CHN1: variants seen among roughly 807,000 people sequenced by gnomAD.
CHN1 encodes the protein N-chimaerin.
Under a neutral mutation model 59.5 loss-of-function variants are expected in CHN1, and 37 were observed. The ratio of observed to expected loss-of-function variants is 0.62; its 90% confidence interval spans 0.48 to 0.82. The LOEUF (loss-of-function observed/expected upper bound fraction) is 0.82, where lower values mean the gene tolerates loss of function less well. Ranked by LOEUF, CHN1 falls within the 40% of genes least tolerant of loss-of-function variation. The probability of loss-of-function intolerance (pLI) is 0.00; values close to 1 mark genes in which losing one functional copy is unlikely to be tolerated. For synonymous variants in CHN1, 206 were observed against 200.4 expected (o/e 1.03, Z -0.24); for missense variants, 469 against 571.0 (o/e 0.82, Z 1.82).
At chr2:174,859,374 G>A (rs2646157) in intron 6 of CHN1, among the ~76,000 whole-genome samples, 64,293 of 151,994 alleles carry the variant, frequency 0.42, 13,919 homozygotes, top group Admixed American at 0.49. Context: ...GGGTGCCCAA[G>A]GGAGGACTCA....
intron 3 of CHN1, among the ~76,000 whole-genome samples, chr2:174,930,593 AAGGAG>A (rs1169312599): frequency 6.6e-6 from 1 of 152,172 alleles, no homozygotes; most frequent in African/African-American, 2.4e-5. Context: ...GAGGTCAACA[AAGGAG>A]TCTGCATAAG....
intron 1 of CHN1, among the ~76,000 whole-genome samples, chr2:174,961,122 A>AGGAAGGAAGGGAGGAAGGGAAGGGAGGG (rs1690385517): frequency 8.0e-6 from 1 of 124,952 alleles, no homozygotes; most frequent in Non-Finnish European, 1.7e-5. Flanking sequence ...TGACGGAGGG[A>AGGAAGGAAGGGAGGAAGGGAAGGGAGGG]AGGAAGGAAG....
chr2:174,937,554 T>C (rs1342105869), intron 3 of CHN1, among the ~76,000 whole-genome samples: 3 of 152,218 alleles, frequency 2.0e-5, no homozygotes, highest in Admixed American at 1.3e-4. Flanking sequence ...TCTCTCAACA[T>C]TTCAGTGGAG....
At chr2:174,941,547 A>T (rs1689663820) in intron 3 of CHN1, among the ~76,000 whole-genome samples, 1 of 152,130 alleles carries the variant, frequency 6.6e-6, no homozygotes, top group African/African-American at 2.4e-5. Context: ...CCTATATTAC[A>T]AACAAAATAA....
chr2:174,992,048 T>C lies in CHN1; in HGVS notation c.19+12846A>G, dbSNP rs188886460. Among the ~76,000 whole-genome samples the C allele has an allele frequency of 8.3e-4, 127 of 152,262 alleles. 1 individual carries two copies. Among genetic ancestry groups the C allele is most frequent in the Admixed American group, 8.1e-3 (124 of 15,284 alleles). ...AAAAAATGATACAGAATTCAGAACA[T>C]GAAGGGACTCCTTCTGATGGGTGAC... On this transcript the variant is annotated intron_variant, in intron 1 of 12. Coordinates refer to ENST00000409900, the MANE Select transcript of CHN1 (RefSeq NM_001822.7).
chr2:174,920,818 TTACTGTG>T (rs1360780166), intron 3 of CHN1, among the ~76,000 whole-genome samples: 1 of 152,186 alleles, frequency 6.6e-6, no homozygotes, highest in Non-Finnish European at 1.5e-5. Context: ...CACATTGCAC[TTACTGTG>T]TACTTTATTT....
At chr2:174,953,116 A>G (rs1307142015) in intron 1 of CHN1, among the ~76,000 whole-genome samples, 1 of 151,816 alleles carries the variant, frequency 6.6e-6, no homozygotes, top group Non-Finnish European at 1.5e-5. Context: ...GGAAACCAAC[A>G]TGAACCCATT....
At chr2:174,889,987 A>T (rs1477822921) in intron 5 of CHN1, among the ~76,000 whole-genome samples, 1 of 152,160 alleles carries the variant, frequency 6.6e-6, no homozygotes, top group Non-Finnish European at 1.5e-5. Flanking sequence ...ACAATGAAAC[A>T]AAAATGAAAG....
chr2:174,940,441 AATATAT>A lies in CHN1; in HGVS notation c.114+4441_114+4446del, dbSNP rs919021987. Among the ~76,000 whole-genome samples, 11 of 152,188 alleles carry A rather than the reference AATATAT, an allele frequency of 7.2e-5. No individual in the cohort carries two copies. In the East Asian group the frequency reaches 2.1e-3, roughly 29 times the overall value. On this transcript the variant is annotated intron_variant, in intron 3 of 12. Transcript: ENST00000409900. Reference sequence around the variant, plus strand: ...TTGTACTCAAAATTTATAGCTTTACAATATATATATAAGTTGAGGACCCGATCAAGG... The same window carrying A: ...TTGTACTCAAAATTTATAGCTTTACAATATAAGTTGAGGACCCGATCAAGG...
intron 1 of CHN1, among the ~76,000 whole-genome samples, chr2:174,973,622 T>A (rs1028223217): frequency 1.3e-5 from 2 of 152,154 alleles, no homozygotes; most frequent in Admixed American, 1.3e-4. Flanking sequence ...AAGTTACACA[T>A]TTTCAGCCAG....
At position 174,929,928 on chromosome 2, in the gene CHN1, T is replaced by A. The variant is rs182318503; in HGVS notation, c.115-11363A>T. 1.2e-4 allele frequency among the ~76,000 whole-genome samples: 19 copies of A among 152,372 alleles called. No homozygotes were observed. In the East Asian group the frequency reaches 3.7e-3, roughly 29 times the overall value. ...CTTACTACTTGTTTGTGAACTCTGA[T>A]GGTGTGTTTTCCTCTTAGTGTTGGA... On this transcript the variant is annotated intron_variant, in intron 3 of 12. Transcript: ENST00000409900.
At position 174,903,559 on chromosome 2, in the gene CHN1, A is replaced by G. The variant is rs554698326; in HGVS notation, c.260+11499T>C. 1.1e-4 allele frequency among the ~76,000 whole-genome samples: 17 copies of G among 152,326 alleles called. No homozygotes were observed. In the South Asian group the frequency reaches 3.3e-3, roughly 30 times the overall value. ...AAGTATGTCACGGTGGGAAAGTACT[A>G]TAATTTATCATTCTAAACACTTTTA... On this transcript the variant is annotated intron_variant, in intron 5 of 12. Transcript: ENST00000409900.
chr2:174,980,637 A>T (rs902002108), intron 1 of CHN1, among the ~76,000 whole-genome samples: 1 of 152,184 alleles, frequency 6.6e-6, no homozygotes, highest in Non-Finnish European at 1.5e-5. Context: ...TGGTTTCCTA[A>T]GAGTGATGAA....
intron 3 of CHN1, chr2:174,921,089 C>T (rs563713017): frequency 5.9e-5 from 22 of 371,532 alleles, no homozygotes; most frequent in Non-Finnish European, 1.1e-4. Context: ...CAATGGGGAG[C>T]GGCTGTAGTT....
intron 6 of CHN1, among the ~76,000 whole-genome samples, chr2:174,873,339 A>G (rs1330146485): frequency 2.0e-5 from 3 of 152,208 alleles, no homozygotes; most frequent in Non-Finnish European, 2.9e-5. Context: ...ATGAACAAGG[A>G]ATGACAAAAA....
At chr2:174,874,712 G>A (rs1687508368) in intron 6 of CHN1, among the ~76,000 whole-genome samples, 1 of 152,086 alleles carries the variant, frequency 6.6e-6, no homozygotes, top group South Asian at 2.1e-4. Flanking sequence ...TTCCCGAAGT[G>A]GGTTTCATGA....
At chr2:174,898,400 G>C (rs1688283323) in intron 5 of CHN1, among the ~76,000 whole-genome samples, 1 of 148,828 alleles carries the variant, frequency 6.7e-6, no homozygotes, top group African/African-American at 2.5e-5. Flanking sequence ...AGGAGATTGA[G>C]ACCATCCTGG....
chr2:174,875,159 G>C (rs2105470312), intron 6 of CHN1, among the ~76,000 whole-genome samples: 1 of 152,272 alleles, frequency 6.6e-6, no homozygotes, highest in East Asian at 1.9e-4. Flanking sequence ...ACAGGCGTGA[G>C]CCACCATGCC....
In CHN1 at chr2:174,978,859, T is replaced by C. The variant is rs146644101; in HGVS notation, c.19+26035A>G. ...AATGTTTTCAAAATACTCTGGAAATTAGAATGATAGCCAGACCTTTAGTGA... is the reference window on the plus strand; with the variant it reads ...AATGTTTTCAAAATACTCTGGAAATCAGAATGATAGCCAGACCTTTAGTGA... On this transcript the variant is annotated intron_variant, in intron 1 of 12. Transcript: ENST00000409900. Among the ~76,000 whole-genome samples, 73 of 152,330 alleles carry C rather than the reference T, an allele frequency of 4.8e-4. 1 individual carries two copies. The East Asian group carries it at 8.5e-3, about 18-fold the overall frequency.
Sources: allele counts gnomAD v4.1 joint callset (sites outside exome capture counted in the v4.1 genomes callset), GRCh38; gene constraint gnomAD v4.1.1; transcripts MANE v1.5; gene names NCBI Gene and HGNC (gene_info 2026-07-23, HGNC 2026-07-21).